Variants in SCEL observed in about 807,000 individuals in gnomAD.
SCEL encodes sciellin.
SCEL carries 113 observed loss-of-function variants against 117.6 expected under a neutral mutation model. The observed-to-expected ratio is 0.96, with a 90% CI of 0.83 to 1.12. The LOEUF (loss-of-function observed/expected upper bound fraction) is 1.12, where lower values mean the gene tolerates loss of function less well. Ranked by LOEUF, SCEL falls within the 50% of genes most tolerant of loss-of-function variation. The pLI is 0.00. For missense variants in SCEL, 785 were observed against 810.8 expected (o/e 0.97, Z 0.39); for synonymous variants, 270 against 256.2 (o/e 1.05, Z -0.51).
intron 29 of SCEL, 23 bp downstream of exon 29, chr13:77,634,473 A>C (rs1655563360): frequency 6.6e-7 from 1 of 1,507,736 alleles, no homozygotes; most frequent in South Asian, 1.1e-5. Flanking sequence ...TATTTCAAAT[A>C]TATTGCTTCA....
At chr13:77,540,153 T>C (rs1260992360) in intron 1 of SCEL, among the ~76,000 whole-genome samples, 1 of 152,156 alleles carries the variant, frequency 6.6e-6, no homozygotes, top group African/African-American at 2.4e-5. Flanking sequence ...ATTAGAGAGA[T>C]TACATAAAAC....
At chr13:77,607,325 G>A (rs7993178) in intron 19 of SCEL, among the ~76,000 whole-genome samples, 141,940 of 152,290 alleles carry the variant, frequency 0.93, 66,199 homozygotes, top group South Asian at 0.96. Context: ...TGCTGGGATT[G>A]CAGGAATGAG....
chr13:77,622,440 G>A (rs1351103529), intron 27 of SCEL, among the ~76,000 whole-genome samples: 2 of 152,134 alleles, frequency 1.3e-5, no homozygotes, highest in Admixed American at 6.5e-5. Flanking sequence ...GTAAGACAGT[G>A]TTATAGTTTT....
At chr13:77,556,360 A>C (rs917524041) in intron 2 of SCEL, among the ~76,000 whole-genome samples, 2 of 152,160 alleles carry the variant, frequency 1.3e-5, no homozygotes, top group African/African-American at 4.8e-5. Flanking sequence ...ATGGGGCCTC[A>C]TGAGTGGCAC....
chr13:77,621,577 C>T (rs1293176309), intron 27 of SCEL, among the ~76,000 whole-genome samples: 1 of 152,178 alleles, frequency 6.6e-6, no homozygotes, highest in Non-Finnish European at 1.5e-5. Flanking sequence ...TTTAATCATC[C>T]CTTTTTGACT....
At chr13:77,562,585 C>T (rs2085046085) in intron 4 of SCEL, among the ~76,000 whole-genome samples, 1 of 152,202 alleles carries the variant, frequency 6.6e-6, no homozygotes, top group South Asian at 2.1e-4. Context: ...AACTTCCTTA[C>T]ACCTTACCCA....
chr13:77,604,966 G>A (rs2088030576), intron 19 of SCEL, among the ~76,000 whole-genome samples: 1 of 152,094 alleles, frequency 6.6e-6, no homozygotes, highest in South Asian at 2.1e-4. Flanking sequence ...TGTGTGTAGT[G>A]TGTGTATGTG....
At chr13:77,584,529 T>C (rs1205543931) in intron 9 of SCEL, among the ~76,000 whole-genome samples, 1 of 152,174 alleles carries the variant, frequency 6.6e-6, no homozygotes, top group Non-Finnish European at 1.5e-5. Context: ...ACTCCCCTGA[T>C]CCACGCAATC....
chr13:77,607,606 G>C (rs1443778879), intron 19 of SCEL, among the ~76,000 whole-genome samples: 1 of 152,128 alleles, frequency 6.6e-6, no homozygotes, highest in East Asian at 1.9e-4. Flanking sequence ...ATCTGCTAAT[G>C]AATGCCAATT....
intron 1 of SCEL, among the ~76,000 whole-genome samples, chr13:77,539,587 G>T (rs977880029): frequency 4.0e-5 from 6 of 151,802 alleles, no homozygotes; most frequent in Non-Finnish European, 8.8e-5. Context: ...ACCCAGGCTG[G>T]ACTGCAGTGG....
chr13:77,563,023 T>C (rs2085071503), intron 4 of SCEL, among the ~76,000 whole-genome samples: 1 of 152,198 alleles, frequency 6.6e-6, no homozygotes, highest in Non-Finnish European at 1.5e-5. Context: ...AAACAGGCTT[T>C]TTTAAATGTT....
chr13:77,590,756 A>G (rs910189337), intron 10 of SCEL, among the ~76,000 whole-genome samples: 1 of 152,116 alleles, frequency 6.6e-6, no homozygotes, highest in South Asian at 2.1e-4. Flanking sequence ...AGTGTTTCCT[A>G]TGTAATTAAC....
At chr13:77,571,755 T>G (rs1007105034) in intron 8 of SCEL, among the ~76,000 whole-genome samples, 1 of 151,562 alleles carries the variant, frequency 6.6e-6, no homozygotes, top group Non-Finnish European at 1.5e-5. Context: ...GATTGTTATT[T>G]CTGTTGTGAA....
intron 3 of SCEL, among the ~76,000 whole-genome samples, chr13:77,558,446 C>T (rs757256107): frequency 1.4e-4 from 22 of 152,154 alleles, no homozygotes; most frequent in Non-Finnish European, 2.6e-4. Flanking sequence ...TGTATATTTG[C>T]TGGCATTGTT....
chr13:77,640,231 G>T (rs1323660707), intron 30 of SCEL, among the ~76,000 whole-genome samples: 1 of 152,036 alleles, frequency 6.6e-6, no homozygotes, highest in Admixed American at 6.6e-5. Context: ...GCTCTTGAAT[G>T]GATTTCTATT....
chr13:77,626,442 T>C (rs914024165), intron 27 of SCEL, among the ~76,000 whole-genome samples: 3 of 152,202 alleles, frequency 2.0e-5, no homozygotes, highest in African/African-American at 4.8e-5. Flanking sequence ...ATTAGTGTCC[T>C]TCTTTACAAA....
intron 28 of SCEL, among the ~76,000 whole-genome samples, chr13:77,628,557 A>G (rs2089880906): frequency 6.6e-6 from 1 of 152,122 alleles, no homozygotes; most frequent in South Asian, 2.1e-4. Context: ...TTAGGACAGG[A>G]GCTATACTTC....
At chr13:77,593,295 T>TGTGCGC (rs796907419) in intron 11 of SCEL, among the ~76,000 whole-genome samples, 1,435 of 136,872 alleles carry the variant, frequency 0.01, 48 homozygotes, top group East Asian at 0.067. Flanking sequence ...TGTGTGTGTG[T>TGTGCGC]GTCTGTGTGT....
intron 1 of SCEL, among the ~76,000 whole-genome samples, chr13:77,541,931 A>T (rs1002940641): frequency 3.3e-5 from 5 of 152,202 alleles, no homozygotes; most frequent in African/African-American, 1.2e-4. Context: ...TTGAGTTTTT[A>T]CTCATTTAAC....
Sources: gnomAD v4.1 joint callset for allele counts (sites outside exome capture counted in the v4.1 genomes callset) on GRCh38, gnomAD v4.1.1 for gene constraint, MANE v1.5 for transcripts, NCBI Gene and HGNC (gene_info 2026-07-23, HGNC 2026-07-21) for gene names.